SLIT3: variants seen among roughly 807,000 people sequenced by gnomAD.
The protein encoded by SLIT3 is slit homolog 3 protein.
A neutral mutation model predicts 184.0 loss-of-function variants in SLIT3; 68 were observed. The ratio of observed to expected loss-of-function variants is 0.37; its 90% CI spans 0.30 to 0.45. The LOEUF (loss-of-function observed/expected upper bound fraction) is 0.45, where lower values mean the gene tolerates loss of function less well. SLIT3 is among the 20% of genes least tolerant of loss of function. The pLI is 1.00. For missense variants in SLIT3, 1,707 were observed against 2,026.0 expected, an observed-to-expected ratio of 0.84 and a Z score of 3.02; for synonymous variants, 831 against 828.6, an observed-to-expected ratio of 1.00 and a Z score of -0.05.
rs928436357 is a variant in SLIT3, at chr5:168,972,147, C to CAGGCAG, written c.414-88817_414-88812dup. 5.9e-5 allele frequency among the ~76,000 whole-genome samples: 9 copies of CAGGCAG among 152,122 alleles called. No individual in the cohort carries two copies. In the South Asian group the frequency reaches 6.2e-4, roughly 10 times the overall value. The stretch of plus-strand genomic sequence containing the variant: ...CAGTGAGAAGACCTGGAGAGGCATC[C>CAGGCAG]AGGCAGAGGCAGAGGCAGAGCAAGC... On this transcript the variant is annotated intron_variant, in intron 4 of 35. Transcript: ENST00000519560.
At position 168,804,034 on chromosome 5, in the gene SLIT3, C is replaced by A. The variant is rs549389886; in HGVS notation, c.935+2412G>T. On this transcript the variant is annotated intron_variant, in intron 9 of 35. Coordinates refer to ENST00000519560, the MANE Select transcript of SLIT3 (RefSeq NM_003062.4). ...AAAATGATGAAGGGGAGGGCGGGCA[C>A]GGTGGCTCATACCTGTAATCCCAGA... Among the ~76,000 whole-genome samples, 3 of 151,558 alleles carry A rather than the reference C, an allele frequency of 2.0e-5. No homozygotes were observed. The South Asian group carries it at 6.3e-4, about 32-fold the overall frequency.
intron 4 of SLIT3, among the ~76,000 whole-genome samples, chr5:168,893,079 T>C (rs1212203209): frequency 6.6e-6 from 1 of 152,216 alleles, no homozygotes; most frequent in Non-Finnish European, 1.5e-5. Context: ...TGTCTTCACA[T>C]TGTGTGCAGA....
intron 6 of SLIT3, among the ~76,000 whole-genome samples, chr5:168,840,062 T>G (rs566417144): frequency 3.3e-5 from 5 of 152,340 alleles, no homozygotes; most frequent in African/African-American, 1.2e-4. Context: ...AGCGCCAACC[T>G]ATAATAATGT....
rs527622786 is a variant in SLIT3, at chr5:168,926,235, G to A, written c.414-42899C>T. On this transcript the variant is annotated intron_variant, in intron 4 of 35. Coordinates refer to ENST00000519560, the MANE Select transcript of SLIT3 (RefSeq NM_003062.4). ...ATAACACTGCTTTTCTCTTGGGAGC[G>A]GTGACTTGGAATTCAGGATAGCCAA... 1.6e-4 allele frequency among the ~76,000 whole-genome samples: 25 copies of A among 152,202 alleles called. No homozygotes were observed. The East Asian group carries it at 3.3e-3, about 20-fold the overall frequency.
At chr5:169,106,660 A>G (rs1321200042) in intron 4 of SLIT3, among the ~76,000 whole-genome samples, 4 of 152,112 alleles carry the variant, frequency 2.6e-5, no homozygotes, top group Non-Finnish European at 5.9e-5. Context: ...TACTGTACAT[A>G]CTGCATCCCC....
At position 169,274,072 on chromosome 5, in the gene SLIT3, G is replaced by C. The variant is rs149664933; in HGVS notation, c.198-22613C>G. The stretch of plus-strand genomic sequence containing the variant: ...TCCCCCAAATGGGGTTCCCGGACCA[G>C]CAGTATCAGCATCACCTGGGAACTT... On this transcript the variant is annotated intron_variant, in intron 1 of 35. Coordinates refer to ENST00000519560, the MANE Select transcript of SLIT3 (RefSeq NM_003062.4). Among the ~76,000 whole-genome samples, 499 of 152,316 alleles carry C rather than the reference G, an allele frequency of 3.3e-3. 3 individuals are homozygous for C. Among genetic ancestry groups the C allele is most frequent in the South Asian group, 8.1e-3 (39 of 4,820 alleles).
intron 5 of SLIT3, 31 bp downstream of exon 5, chr5:168,883,234 T>A (rs777687824): frequency 3.8e-6 from 6 of 1,595,114 alleles, no homozygotes; most frequent in Non-Finnish European, 5.2e-6. Context: ...GTTAGCCACA[T>A]ACGTAGTGAA....
At chr5:169,072,484 A>G (rs1385032560) in intron 4 of SLIT3, among the ~76,000 whole-genome samples, 1 of 152,238 alleles carries the variant, frequency 6.6e-6, no homozygotes, top group East Asian at 1.9e-4. Context: ...AGGTCTCTCC[A>G]GCTCCAAAGG....
At chr5:169,154,731 A>T (rs1308521074) in intron 4 of SLIT3, among the ~76,000 whole-genome samples, 2 of 152,272 alleles carry the variant, frequency 1.3e-5, no homozygotes, top group African/African-American at 4.8e-5. Flanking sequence ...AATGCTTGGT[A>T]CTTTTAAAAT....
At chr5:169,220,257 TCAACTCACTTG>T (rs1163710534) in intron 3 of SLIT3, among the ~76,000 whole-genome samples, 4 of 148,030 alleles carry the variant, frequency 2.7e-5, no homozygotes, top group Admixed American at 1.4e-4. Context: ...GATACTAAAA[TCAACTCACTTG>T]CAAACAGGCC....
chr5:168,662,523 A>G lies in SLIT3; in HGVS notation c.*3931T>C, dbSNP rs932203053. The stretch of plus-strand genomic sequence containing the variant: ...GCCCTTCTTCTCATCTTTTTGAAGC[A>G]TCAGACTTGAGTTCCTTGCTATGAG... On this transcript the variant is annotated 3_prime_UTR_variant, in exon 36 of 36. Transcript: ENST00000519560. The G allele has an allele frequency of 1.3e-5, 2 of 152,114 alleles. No individual in the cohort carries two copies. The highest frequency in any genetic ancestry group is 2.9e-5 in the Non-Finnish European group (2 of 68,026). The allele number at this position is 152,114 out of a possible 1,614,324, so 9.4% of individuals were successfully genotyped here.
At chr5:168,756,340 A>G (rs914696866) in intron 16 of SLIT3, among the ~76,000 whole-genome samples, 2 of 152,328 alleles carry the variant, frequency 1.3e-5, no homozygotes, top group African/African-American at 2.4e-5. Context: ...TGGGGACTCA[A>G]TGCAGGCTGA....
At chr5:168,760,797 T>C in intron 16 of SLIT3, 65 bp downstream of exon 16, 2 of 1,217,626 alleles carry the variant, frequency 1.6e-6, no homozygotes, top group Admixed American at 3.4e-5. Context: ...CTGGTTCCTC[T>C]AGTCTAGAAC....
At chr5:169,177,671 A>C (rs1274063031) in intron 4 of SLIT3, among the ~76,000 whole-genome samples, 1 of 152,188 alleles carries the variant, frequency 6.6e-6, no homozygotes, top group Non-Finnish European at 1.5e-5. Context: ...AGAAGTAACT[A>C]TCTGGGATGG....
chr5:169,127,252 G>A (rs1167939369), intron 4 of SLIT3, among the ~76,000 whole-genome samples: 1 of 152,210 alleles, frequency 6.6e-6, no homozygotes, highest in Non-Finnish European at 1.5e-5. Context: ...TGCAGAGAAT[G>A]GTAAAATAGG....
chr5:169,229,571 G>A (rs982545900), intron 3 of SLIT3, among the ~76,000 whole-genome samples: 2 of 151,986 alleles, frequency 1.3e-5, no homozygotes, highest in Non-Finnish European at 1.5e-5. Flanking sequence ...ATTTGGCATG[G>A]GATGTTTGAC....
intron 4 of SLIT3, among the ~76,000 whole-genome samples, chr5:169,099,588 A>C (rs995512335): frequency 9.9e-5 from 15 of 152,218 alleles, no homozygotes; most frequent in African/African-American, 3.6e-4. Flanking sequence ...TATCTTACAG[A>C]TATGACAATT....
chr5:168,671,278 G>A lies in SLIT3; in HGVS notation c.4047C>T (p.Asp1349=). Residue 1349 remains aspartate (D), a synonymous_variant, in exon 34 of 36, where the codon GAC becomes GAT. Coordinates refer to ENST00000519560, the MANE Select transcript of SLIT3 (RefSeq NM_003062.4). ...CTGGGCGGCACTCGCACACCACGCT[G>A]TCCTTCTCCACGGAGCGGCACAGGC... ...KHGLCRSVEK[D]SVVCECRPGW... is the part of the protein sequence containing the mutation. 1.2e-6 allele frequency: 2 copies of A among 1,613,786 alleles called. No homozygotes were observed. The highest frequency in any genetic ancestry group is 1.7e-6 in the Non-Finnish European group (2 of 1,179,968).
At chr5:169,145,223 T>C (rs905930447) in intron 4 of SLIT3, among the ~76,000 whole-genome samples, 1 of 152,172 alleles carries the variant, frequency 6.6e-6, no homozygotes, top group Non-Finnish European at 1.5e-5. Flanking sequence ...AGAAACCCAT[T>C]GTTTCTTCAG....
Sources: allele counts gnomAD v4.1 joint callset (sites outside exome capture counted in the v4.1 genomes callset), GRCh38; gene constraint gnomAD v4.1.1; transcripts MANE v1.5; gene names NCBI Gene and HGNC (gene_info 2026-07-23, HGNC 2026-07-21).